ACKR2: variants seen among roughly 807,000 people sequenced by gnomAD.
ACKR2 encodes C-C chemokine receptor D6.
For synonymous variants in ACKR2, 207 were observed against 192.2 expected (o/e 1.08, Z -0.64); for missense variants, 457 against 477.3 (o/e 0.96, Z 0.40).
At chr3:42,832,706 T>G (rs1323773272) in intron 2 of ACKR2, among the ~76,000 whole-genome samples, 1 of 152,064 alleles carries the variant, frequency 6.6e-6, no homozygotes, top group Admixed American at 6.6e-5. Context: ...CATTTTAATT[T>G]TTTTTTTGAG....
chr3:42,863,934 A>G (rs1416608436), intron 2 of ACKR2, among the ~76,000 whole-genome samples: 1 of 152,158 alleles, frequency 6.6e-6, no homozygotes, highest in Non-Finnish European at 1.5e-5. Context: ...GGTGCAGCAA[A>G]CCACCATGGT....
intron 2 of ACKR2, among the ~76,000 whole-genome samples, chr3:42,821,260 G>A (rs1700807207): frequency 6.6e-6 from 1 of 152,168 alleles, no homozygotes; most frequent in Non-Finnish European, 1.5e-5. Flanking sequence ...CAGAATGCTT[G>A]TGATCCACAG....
intron 1 of ACKR2, among the ~76,000 whole-genome samples, chr3:42,816,341 C>T (rs964390097): frequency 1.3e-5 from 2 of 151,966 alleles, no homozygotes; most frequent in Admixed American, 6.6e-5. Context: ...TAGAAACCAC[C>T]TTTGATCTCT....
chr3:42,832,518 GAAAGAA>G (rs141518120), intron 2 of ACKR2, among the ~76,000 whole-genome samples: 4,748 of 151,206 alleles, frequency 0.031, 116 homozygotes, highest in Non-Finnish European at 0.052. Context: ...AAAAAAAAAA[GAAAGAA>G]AAAGAAAAAG....
intron 1 of ACKR2, among the ~76,000 whole-genome samples, chr3:42,813,707 G>A (rs1317141631): frequency 1.3e-5 from 2 of 152,182 alleles, no homozygotes; most frequent in African/African-American, 4.8e-5. Flanking sequence ...ACAAATTCAA[G>A]AGTTTGTAAC....
intron 2 of ACKR2, among the ~76,000 whole-genome samples, chr3:42,838,624 T>A (rs1701006708): frequency 6.6e-6 from 1 of 152,238 alleles, no homozygotes; most frequent in African/African-American, 2.4e-5. Context: ...ATGGTCACTT[T>A]TGGAAAAACA....
intron 1 of ACKR2, among the ~76,000 whole-genome samples, chr3:42,818,229 G>A (rs1339303423): frequency 1.3e-5 from 2 of 152,038 alleles, no homozygotes; most frequent in Non-Finnish European, 2.9e-5. Flanking sequence ...ATCTCTCTCC[G>A]CACAAGCCTG....
Position 42,862,266 on chromosome 3 carries a change from A to G in ACKR2, c.-37-2200A>G, listed in dbSNP as rs182365300. On this transcript the variant is annotated intron_variant, in intron 2 of 2. Coordinates refer to ENST00000422265, the MANE Select transcript of ACKR2 (RefSeq NM_001296.5). Reference sequence around the variant, plus strand: ...GAGTGAACTCCCATTCACAAATGCTACAAAGAGAATAAAATACCTAAGAAT... The same window carrying G: ...GAGTGAACTCCCATTCACAAATGCTGCAAAGAGAATAAAATACCTAAGAAT... Among the ~76,000 whole-genome samples the G allele has an allele frequency of 7.1e-3, 1,084 of 152,340 alleles. 5 individuals are homozygous for G. The highest frequency in any genetic ancestry group is 0.011 in the Admixed American group (163 of 15,292).
At chr3:42,845,361 CACTT>C (rs1701083025) in intron 2 of ACKR2, among the ~76,000 whole-genome samples, 1 of 152,114 alleles carries the variant, frequency 6.6e-6, no homozygotes, top group Non-Finnish European at 1.5e-5. Flanking sequence ...CACCAATTAA[CACTT>C]GATTGATTGA....
At chr3:42,845,859 AAAAAAAG>A (rs1405397275) in intron 2 of ACKR2, among the ~76,000 whole-genome samples, 3 of 151,548 alleles carry the variant, frequency 2.0e-5, no homozygotes, top group Admixed American at 6.6e-5. Context: ...AAAAAAAAAA[AAAAAAAG>A]AAAAAAGAAA....
intron 1 of ACKR2, among the ~76,000 whole-genome samples, chr3:42,818,271 T>C (rs1474580574): frequency 2.0e-5 from 3 of 152,238 alleles, no homozygotes; most frequent in Non-Finnish European, 2.9e-5. Context: ...ACGTGTTTGA[T>C]GGAACAACTG....
chr3:42,860,189 A>AAAAAAAAAAAAAG (rs376833790), intron 2 of ACKR2, among the ~76,000 whole-genome samples: 1 of 111,520 alleles, frequency 9.0e-6, no homozygotes, highest in Non-Finnish European at 1.9e-5. Context: ...AAAAAAAAAA[A>AAAAAAAAAAAAAG]GCAGGGGATG....
intron 2 of ACKR2, chr3:42,839,412 T>C (rs186358807): frequency 3.3e-5 from 5 of 152,124 alleles, no homozygotes; most frequent in African/African-American, 4.8e-5. Flanking sequence ...AAACCCCAAA[T>C]TGGAAACTAC....
At chr3:42,831,587 G>T (rs1700932798) in intron 2 of ACKR2, among the ~76,000 whole-genome samples, 1 of 152,150 alleles carries the variant, frequency 6.6e-6, no homozygotes, top group African/African-American at 2.4e-5. Context: ...TCCATCTAGG[G>T]CAACCCAGTT....
rs144850693 is a variant in ACKR2, at chr3:42,825,263, G to A, written c.-38+5552G>A. Among the ~76,000 whole-genome samples the A allele has an allele frequency of 5.1e-4, 77 of 152,230 alleles. No homozygotes were observed. In the East Asian group the frequency reaches 0.013, roughly 26 times the overall value. On this transcript the variant is annotated intron_variant, in intron 2 of 2. Transcript: ENST00000422265. The stretch of plus-strand genomic sequence containing the variant: ...AAAAAATGCAGTTGCAACTTTGATT[G>A]GGATTGTGTTGAATCTGTAGATCAA...
intron 2 of ACKR2, among the ~76,000 whole-genome samples, chr3:42,830,000 G>C (rs1700914323): frequency 6.6e-6 from 1 of 152,296 alleles, no homozygotes; most frequent in South Asian, 2.1e-4. Context: ...CAAACATTGT[G>C]ATTCTTTCAT....
chr3:42,824,209 C>G (rs892985691), intron 2 of ACKR2, among the ~76,000 whole-genome samples: 2 of 151,982 alleles, frequency 1.3e-5, no homozygotes, highest in Admixed American at 6.6e-5. Flanking sequence ...CCTATAATAC[C>G]TAATATAATG....
chr3:42,822,667 A>G (rs1217717013), intron 2 of ACKR2, among the ~76,000 whole-genome samples: 1 of 152,168 alleles, frequency 6.6e-6, no homozygotes, highest in Non-Finnish European at 1.5e-5. Context: ...AGCCTTGCCA[A>G]CATGGTGAAA....
At chr3:42,830,750 TGCTGGGGTGTTGGTTG>T (rs1196165240) in intron 2 of ACKR2, among the ~76,000 whole-genome samples, 1 of 151,952 alleles carries the variant, frequency 6.6e-6, no homozygotes, top group Non-Finnish European at 1.5e-5. Flanking sequence ...AAACTGAATC[TGCTGGGGTGTTGGTTG>T]GACTGTGTGG....
Sources: allele counts gnomAD v4.1 joint callset (sites outside exome capture counted in the v4.1 genomes callset), GRCh38; gene constraint gnomAD v4.1.1; transcripts MANE v1.5; gene names NCBI Gene and HGNC (gene_info 2026-07-23, HGNC 2026-07-21).